NUP153: variants seen among roughly 807,000 people sequenced by gnomAD.
The protein encoded by NUP153 is nucleoporin 153.
A neutral mutation model predicts 134.6 loss-of-function variants in NUP153; 27 were observed. The observed-to-expected ratio is 0.20, with a 90% confidence interval of 0.15 to 0.28. The LOEUF (loss-of-function observed/expected upper bound fraction) is 0.28, where lower values mean the gene tolerates loss of function less well. Among genes scored for constraint, NUP153 ranks in the 10% least tolerant of loss-of-function variants. NUP153 has a pLI of 1.00. For missense variants in NUP153, 1,821 were observed against 1,731.3 expected (o/e 1.05, Z -0.92); for synonymous variants, 640 against 623.5 (o/e 1.03, Z -0.40).
intron 18 of NUP153, among the ~76,000 whole-genome samples, chr6:17,627,978 C>G (rs935037506): frequency 6.6e-6 from 1 of 152,182 alleles, no homozygotes; most frequent in African/African-American, 2.4e-5. Flanking sequence ...TAGGCCACTC[C>G]TATCCCAAAG....
chr6:17,706,851 G>C lies in NUP153; in HGVS notation c.-464C>G. 5.8e-6 allele frequency: 1 copy of C among 173,236 alleles called. No individual in the cohort carries two copies. The highest frequency in any genetic ancestry group is 1.1e-4 in the South Asian group (1 of 9,232). 10.7% of individuals were successfully genotyped at this position (173,236 alleles called of 1,614,324 possible). A position where few individuals can be genotyped will look rare whatever the true frequency, so the allele number is the denominator to read the frequency against. On this transcript the variant is annotated 5_prime_UTR_variant, in exon 1 of 22. Coordinates refer to ENST00000262077, the MANE Select transcript of NUP153 (RefSeq NM_005124.4). The surrounding 1 kb of genome is among the most constrained non-coding windows in gnomAD (Gnocchi z 5.9). ...CGCCCGCCCCGCCGCCGTCGTCGTC[G>C]TCGTCCCTGCAGCCTCCGCCGCCGT...
rs562950702 is a variant in NUP153 at position 17,628,088 on chromosome 6, G to T, written c.3544+567C>A. Among the ~76,000 whole-genome samples, 276 of 152,270 alleles carry T rather than the reference G, an allele frequency of 1.8e-3. 2 individuals carry two copies. Among genetic ancestry groups the T allele is most frequent in the Middle Eastern group, 3.4e-3 (1 of 294 alleles). On this transcript the variant is annotated intron_variant, in intron 18 of 21. Coordinates refer to ENST00000262077, the MANE Select transcript of NUP153 (RefSeq NM_005124.4). This position sits in a 1 kb window ranked among gnomAD's most constrained non-coding sequence, Gnocchi z 5.4. Reference sequence around the variant, plus strand: ...GATTATCAGCTATGAAGTTCTTCCTGCTATTCAGCTCACAGAATGACTTTA... The same window carrying T: ...GATTATCAGCTATGAAGTTCTTCCTTCTATTCAGCTCACAGAATGACTTTA...
chr6:17,669,276 T>G lies in NUP153; in HGVS notation c.1014+17A>C. On this transcript the variant is annotated intron_variant, in intron 7 of 21. Coordinates refer to ENST00000262077, the MANE Select transcript of NUP153 (RefSeq NM_005124.4). ...GTATGAACAATATTTTGTAAAAAGG[T>G]TTAAATCTCAACTTACAGAATTCAG... is the stretch of plus-strand genomic sequence containing the variant. The G allele has an allele frequency of 6.2e-7, 1 of 1,603,350 alleles. No homozygotes were observed. The highest frequency in any genetic ancestry group is 8.5e-7 in the Non-Finnish European group (1 of 1,170,804).
intron 11 of NUP153, among the ~76,000 whole-genome samples, chr6:17,658,088 C>A (rs1320781606): frequency 6.6e-6 from 1 of 152,186 alleles, no homozygotes; most frequent in Non-Finnish European, 1.5e-5. Flanking sequence ...ACATACAGTG[C>A]AGTGGTGGTT....
chr6:17,652,744 T>C (rs1425111300), intron 11 of NUP153, among the ~76,000 whole-genome samples: 1 of 152,056 alleles, frequency 6.6e-6, no homozygotes, highest in Non-Finnish European at 1.5e-5. Context: ...GACAGCTGGC[T>C]GGGTGCGGTG....
intron 18 of NUP153, among the ~76,000 whole-genome samples, chr6:17,626,852 A>C (rs1301521764): frequency 1.3e-5 from 2 of 152,202 alleles, no homozygotes; most frequent in African/African-American, 4.8e-5. Context: ...AAGAACTAAA[A>C]TTATGGGAGG....
chr6:17,647,986 T>C (rs1183732313), intron 12 of NUP153, 81 bp from the exon 13 acceptor site: 1 of 832,312 alleles, frequency 1.2e-6, no homozygotes. Context: ...TTAAGCAAAC[T>C]GATTATTCCA....
rs1245777945 is a variant in NUP153 at position 17,625,798 on chromosome 6, G to T, written c.3901+10C>A. ...CCAATTACAATGCATTTTTTCTTTT[G>T]TAAATGTACCTGCAGAGCTAGATGT... On this transcript the variant is annotated intron_variant, in intron 19 of 21. Coordinates refer to ENST00000262077, the MANE Select transcript of NUP153 (RefSeq NM_005124.4). The surrounding 1 kb of genome is among the most constrained non-coding windows in gnomAD (Gnocchi z 4.7). 7 of 1,588,482 alleles carry T rather than the reference G, an allele frequency of 4.4e-6. No homozygotes were observed. Among genetic ancestry groups the T allele is most frequent in the South Asian group, 3.4e-5 (3 of 89,242 alleles).
chr6:17,637,118 A>G (rs745414299), intron 16 of NUP153, 35 bp downstream of exon 16: 1 of 1,564,568 alleles, frequency 6.4e-7, no homozygotes, highest in Non-Finnish European at 8.7e-7. Context: ...AACAGAAGTA[A>G]TAAGCAAAAT....
chr6:17,627,235 C>T (rs968361470), intron 18 of NUP153, among the ~76,000 whole-genome samples: 7 of 152,186 alleles, frequency 4.6e-5, no homozygotes, highest in African/African-American at 1.7e-4. Context: ...TTTTCATCAT[C>T]AAATCTGATT....
chr6:17,668,355 C>A (rs1055332037), intron 8 of NUP153, among the ~76,000 whole-genome samples: 2 of 151,876 alleles, frequency 1.3e-5, no homozygotes, highest in Non-Finnish European at 2.9e-5. Context: ...GCTAGGATTA[C>A]AGGCGTAAGC....
chr6:17,673,914 T>C (rs1017407658), intron 5 of NUP153, among the ~76,000 whole-genome samples: 8 of 152,206 alleles, frequency 5.3e-5, no homozygotes, highest in Admixed American at 2.0e-4. Context: ...AGCAGCTTCA[T>C]TCATAATTGC....
At chr6:17,618,783 G>GAA in intron 20 of NUP153, among the ~76,000 whole-genome samples, 1 of 152,226 alleles carries the variant, frequency 6.6e-6, no homozygotes. Flanking sequence ...AGCCAGGATG[G>GAA]TCTCGATATC....
intron 5 of NUP153, among the ~76,000 whole-genome samples, chr6:17,673,233 G>A (rs1768021693): frequency 6.6e-6 from 1 of 152,186 alleles, no homozygotes; most frequent in Admixed American, 6.5e-5. Context: ...GCCAGGTGTG[G>A]TGGCAGGCAC....
intron 11 of NUP153, among the ~76,000 whole-genome samples, chr6:17,649,810 T>C (rs1766411981): frequency 6.6e-6 from 1 of 152,250 alleles, no homozygotes; most frequent in South Asian, 2.1e-4. Context: ...AATTTCATCA[T>C]AGATATGTAT....
In NUP153 at chr6:17,625,053, T is replaced by C. The variant is rs557896633; in HGVS notation, c.3902-220A>G. On this transcript the variant is annotated intron_variant, in intron 19 of 21. Coordinates refer to ENST00000262077, the MANE Select transcript of NUP153 (RefSeq NM_005124.4). The surrounding 1 kb of genome is among the most constrained non-coding windows in gnomAD (Gnocchi z 4.7). ...AAATTCATATAAACAAAAACTGCAATTAACAACTACTCCACACCTTTACAG... is the reference window on the plus strand; with the variant it reads ...AAATTCATATAAACAAAAACTGCAACTAACAACTACTCCACACCTTTACAG... Among the ~76,000 whole-genome samples the C allele has an allele frequency of 1.3e-5, 2 of 152,262 alleles. No individual in the cohort carries two copies. The highest frequency in any genetic ancestry group is 4.1e-4 in the South Asian group (2 of 4,830).
intron 1 of NUP153, among the ~76,000 whole-genome samples, chr6:17,696,818 A>T (rs1318779240): frequency 2.6e-5 from 4 of 152,146 alleles, no homozygotes; most frequent in Non-Finnish European, 5.9e-5. Context: ...TACGTCTGTA[A>T]TCCCAGCACA....
Position 17,678,539 on chromosome 6 carries a change from T to C in NUP153, c.335-2769A>G, listed in dbSNP as rs114688263. On this transcript the variant is annotated intron_variant, in intron 2 of 21. Coordinates refer to ENST00000262077, the MANE Select transcript of NUP153 (RefSeq NM_005124.4). ...TAACATGGTAAACTATATTAAACGC[T>C]GAATGATTACTTGCATTCCTTGATT... Among the ~76,000 whole-genome samples, 1,217 of 152,290 alleles carry C rather than the reference T, an allele frequency of 8.0e-3. 10 individuals carry two copies. The highest frequency in any genetic ancestry group is 0.026 in the African/African-American group (1,070 of 41,542).
chr6:17,635,283 G>A (rs2113781431), intron 16 of NUP153, among the ~76,000 whole-genome samples: 1 of 151,906 alleles, frequency 6.6e-6, no homozygotes, highest in Middle Eastern at 3.4e-3. Context: ...CTAATTTTTT[G>A]TATTGTTAGT....
Sources: gnomAD v4.1 joint callset for allele counts (sites outside exome capture counted in the v4.1 genomes callset) on GRCh38, gnomAD v4.1.1 for gene constraint, Gnocchi (gnomAD v3.1) non-coding constraint, MANE v1.5 for transcripts, NCBI Gene and HGNC (gene_info 2026-07-23, HGNC 2026-07-21) for gene names.